Variants in L3HYPDH observed in about 807,000 individuals in gnomAD.
L3HYPDH encodes the protein trans-3-hydroxy-L-proline dehydratase.
A neutral mutation model predicts 26.5 loss-of-function variants in L3HYPDH; 32 were observed. The ratio of observed to expected loss-of-function variants is 1.21; its 90% CI spans 0.91 to 1.62. The LOEUF (loss-of-function observed/expected upper bound fraction) is 1.62. L3HYPDH is among the 40% of genes most tolerant of loss of function. The probability of loss-of-function intolerance (pLI) is 0.00; values close to 1 mark genes in which losing one functional copy is unlikely to be tolerated. For synonymous variants in L3HYPDH, 215 were observed against 196.6 expected, an observed-to-expected ratio of 1.09 and a Z score of -0.78; for missense variants, 554 against 476.4, an observed-to-expected ratio of 1.16 and a Z score of -1.52.
At chr14:59,477,266 T>C (rs1160752918) in intron 2 of L3HYPDH, among the ~76,000 whole-genome samples, 3 of 152,362 alleles carry the variant, frequency 2.0e-5, no homozygotes, top group East Asian at 1.9e-4. Context: ...GTCTAACATA[T>C]ATACAGTATG....
At chr14:59,492,760 G>T in the L3HYPDH span, among the ~76,000 whole-genome samples, 3 of 151,514 alleles carry the variant, frequency 2.0e-5, no homozygotes, top group African/African-American at 7.3e-5. Flanking sequence ...TCTAATTAGG[G>T]TCTCTGGAAA....
At chr14:59,473,667 C>T (rs116044348) in intron 4 of L3HYPDH, among the ~76,000 whole-genome samples, 1 of 152,022 alleles carries the variant, frequency 6.6e-6, no homozygotes, top group South Asian at 2.1e-4. Flanking sequence ...GGATTAAGAG[C>T]GTTATATTCA....
At chr14:59,495,556 T>A in the L3HYPDH span, among the ~76,000 whole-genome samples, 156 of 152,286 alleles carry the variant, frequency 1.0e-3, no homozygotes, top group Non-Finnish European at 1.9e-3. Context: ...CCCAAATAAG[T>A]GTAATTTCTG....
At chr14:59,496,863 G>A in the L3HYPDH span, among the ~76,000 whole-genome samples, 1 of 152,122 alleles carries the variant, frequency 6.6e-6, no homozygotes, top group Non-Finnish European at 1.5e-5. Context: ...TTAAAATTAT[G>A]AGATATTATA....
downstream of L3HYPDH, among the ~76,000 whole-genome samples, chr14:59,467,620 T>G (rs1889227706): frequency 6.6e-6 from 1 of 152,122 alleles, no homozygotes; most frequent in Non-Finnish European, 1.5e-5. Flanking sequence ...CTCACTCACA[T>G]CCAGGACTTC....
chr14:59,502,639 T>C, the L3HYPDH span, among the ~76,000 whole-genome samples: 1 of 152,270 alleles, frequency 6.6e-6, no homozygotes, highest in East Asian at 1.9e-4. Context: ...TTAACCAGCA[T>C]TGAAATATAA....
At chr14:59,472,283 T>C (rs1296262244), downstream of L3HYPDH, among the ~76,000 whole-genome samples, 1 of 152,226 alleles carries the variant, frequency 6.6e-6, no homozygotes, top group Non-Finnish European at 1.5e-5. Flanking sequence ...TAATTTCTAC[T>C]GTATATCTGT....
At chr14:59,486,813 T>TAA (rs1890615497), upstream of L3HYPDH, 1 of 1,459,238 alleles carries the variant, frequency 6.9e-7, no homozygotes, top group Admixed American at 2.0e-5. Context: ...GGGTAAGTCT[T>TAA]ATGTTTGTAT....
intron 4 of L3HYPDH, 119 bp from the exon 5 acceptor site, chr14:59,473,209 C>T: frequency 5.7e-6 from 5 of 878,936 alleles, no homozygotes; most frequent in Non-Finnish European, 8.2e-6. Context: ...ATCCTATGGG[C>T]CAGGGAAGGT....
chr14:59,486,719 A>G, upstream of L3HYPDH: 1 of 1,584,102 alleles, frequency 6.3e-7, no homozygotes, highest in Non-Finnish European at 8.6e-7. Flanking sequence ...AAAGCTGTCG[A>G]TATTCAACCA....
chr14:59,505,121 ATTAG>A, the L3HYPDH span: 18 of 459,688 alleles, frequency 3.9e-5, no homozygotes, highest in Admixed American at 1.1e-4. Flanking sequence ...GGTTGTGTGA[ATTAG>A]TTAAATTTTA....
the L3HYPDH span, among the ~76,000 whole-genome samples, chr14:59,502,760 T>TGTTTTG: frequency 3.8e-5 from 5 of 130,148 alleles, no homozygotes; most frequent in East Asian, 2.1e-4. Context: ...ATTTTTTTTT[T>TGTTTTG]TTTTTTTTTT....
chr14:59,488,534 G>A (rs1314537570), upstream of L3HYPDH, among the ~76,000 whole-genome samples: 1 of 152,140 alleles, frequency 6.6e-6, no homozygotes, highest in Non-Finnish European at 1.5e-5. Context: ...GTGATCTGTG[G>A]TAGGCAGGAA....
the L3HYPDH span, among the ~76,000 whole-genome samples, chr14:59,497,015 G>C: frequency 1.1e-5 from 1 of 90,422 alleles, no homozygotes; most frequent in Admixed American, 1.1e-4. Flanking sequence ...TTTTTTTTTT[G>C]CAAGTCAACA....
At chr14:59,496,669 AGAATC>A in the L3HYPDH span, among the ~76,000 whole-genome samples, 2 of 152,198 alleles carry the variant, frequency 1.3e-5, no homozygotes, top group African/African-American at 4.8e-5. Flanking sequence ...GTGTAGCCTA[AGAATC>A]TTGTGGCAGC....
upstream of L3HYPDH, chr14:59,487,667 A>T (rs76472382): frequency 7.5e-5 from 120 of 1,608,014 alleles, 6 homozygotes; most frequent in South Asian, 1.3e-3. Context: ...GGTTTTATAT[A>T]TTATAGGTAT....
upstream of L3HYPDH, chr14:59,487,703 A>C (rs775018893): frequency 6.2e-7 from 1 of 1,613,348 alleles, no homozygotes; most frequent in South Asian, 1.1e-5. Context: ...GAACGAATGC[A>C]CAGAAATATT....
chr14:59,484,575 A>G (rs199521684), upstream of L3HYPDH: 1 of 1,574,114 alleles, frequency 6.4e-7, no homozygotes, highest in East Asian at 2.3e-5. Context: ...CTCGAAAAAA[A>G]CCTTCAGGCG....
chr14:59,480,557 A>G (rs968505697), intron 1 of L3HYPDH, among the ~76,000 whole-genome samples: 18 of 152,240 alleles, frequency 1.2e-4, no homozygotes, highest in African/African-American at 4.1e-4. Flanking sequence ...GACAGAGTAG[A>G]GTTTCAGCTT....
Sources: allele counts gnomAD v4.1 joint callset (sites outside exome capture counted in the v4.1 genomes callset), GRCh38; gene constraint gnomAD v4.1.1; transcripts MANE v1.5; gene names NCBI Gene and HGNC (gene_info 2026-07-23, HGNC 2026-07-21).